Variants in FGF12 observed in about 807,000 individuals in gnomAD.
FGF12 encodes the protein fibroblast growth factor 12B.
Under a neutral mutation model 23.6 loss-of-function variants are expected in FGF12, and 14 were observed. The ratio of observed to expected loss-of-function variants is 0.59; its 90% CI spans 0.39 to 0.93. The LOEUF (loss-of-function observed/expected upper bound fraction) is 0.93. FGF12 is among the 40% of genes least tolerant of loss of function. The pLI, the probability that FGF12 is intolerant of heterozygous loss-of-function variation, is 0.00. For missense variants in FGF12, 175 were observed against 217.8 expected (o/e 0.80, Z 1.24); for synonymous variants, 62 against 77.3 (o/e 0.80, Z 1.04).
intron 2 of FGF12, among the ~76,000 whole-genome samples, chr3:192,488,774 C>G (rs1723713068): frequency 6.6e-6 from 1 of 151,996 alleles, no homozygotes; most frequent in Non-Finnish European, 1.5e-5. Flanking sequence ...CAAAAAGAAC[C>G]TCAAGAACTT....
At chr3:192,498,119 T>C (rs1023123965) in intron 2 of FGF12, among the ~76,000 whole-genome samples, 1 of 152,232 alleles carries the variant, frequency 6.6e-6, no homozygotes, top group African/African-American at 2.4e-5. Context: ...AGTGTATGCC[T>C]ATTTATTTTT....
chr3:192,566,303 G>A (rs1253878442), intron 2 of FGF12, among the ~76,000 whole-genome samples: 1 of 152,124 alleles, frequency 6.6e-6, no homozygotes, highest in African/African-American at 2.4e-5. Context: ...TCTTTCTATA[G>A]TGCTTCATGA....
At chr3:192,463,934 G>A (rs547794017) in intron 2 of FGF12, among the ~76,000 whole-genome samples, 2 of 151,940 alleles carry the variant, frequency 1.3e-5, no homozygotes, top group African/African-American at 2.4e-5. Context: ...ACCCAAACCC[G>A]GCTCACTGGT....
intron 2 of FGF12, among the ~76,000 whole-genome samples, chr3:192,415,551 T>C (rs1721321604): frequency 6.6e-6 from 1 of 151,930 alleles, no homozygotes; most frequent in Admixed American, 6.6e-5. Flanking sequence ...AACTCAAGGG[T>C]AGCCTCCACA....
chr3:192,532,868 AT>A (rs1725126660), intron 2 of FGF12, among the ~76,000 whole-genome samples: 1 of 152,038 alleles, frequency 6.6e-6, no homozygotes. Flanking sequence ...ATGCATAGTC[AT>A]TTGGGGACAT....
Position 192,653,866 on chromosome 3 carries a change from C to T in FGF12, c.13+73315G>A, listed in dbSNP as rs752104154. Among the ~76,000 whole-genome samples the T allele has an allele frequency of 5.9e-5, 9 of 152,236 alleles. No individual in the cohort carries two copies. The East Asian group carries it at 7.8e-4, about 13-fold the overall frequency. On this transcript the variant is annotated intron_variant, in intron 2 of 5. Transcript: ENST00000445105. ...AGTAGCTGGGATTACAGGTGCAAGC[C>T]ACCATGCATGGCTAATTTTTGTGTA...
chr3:192,423,322 T>C (rs1721592713), intron 2 of FGF12, among the ~76,000 whole-genome samples: 1 of 152,182 alleles, frequency 6.6e-6, no homozygotes, highest in Non-Finnish European at 1.5e-5. Flanking sequence ...AACCTCTGAT[T>C]TTCTTTTTGG....
rs145952145 is a variant in FGF12 at position 192,588,161 on chromosome 3, C to T, written c.13+139020G>A. On this transcript the variant is annotated intron_variant, in intron 2 of 5. Transcript: ENST00000445105. ...GAGACCGAGACCATCCTGGCTAACA[C>T]GGTGAAACCCCGTCTCTACTGAAAA... Among the ~76,000 whole-genome samples, 294 of 150,984 alleles carry T rather than the reference C, an allele frequency of 1.9e-3. 5 individuals are homozygous for T. The highest frequency in any genetic ancestry group is 6.7e-3 in the African/African-American group (278 of 41,290).
At chr3:192,434,867 G>A (rs958516753) in intron 2 of FGF12, among the ~76,000 whole-genome samples, 1 of 151,892 alleles carries the variant, frequency 6.6e-6, no homozygotes, top group Non-Finnish European at 1.5e-5. Flanking sequence ...AACTCATGAT[G>A]GCTTCTCTAT....
chr3:192,365,243 C>G (rs1261137943), intron 2 of FGF12, among the ~76,000 whole-genome samples: 1 of 124,622 alleles, frequency 8.0e-6, no homozygotes, highest in Non-Finnish European at 1.6e-5. Flanking sequence ...TGTACCCATA[C>G]AAGTTAAAAG....
chr3:192,641,199 G>A (rs1303516302), intron 2 of FGF12, among the ~76,000 whole-genome samples: 1 of 81,166 alleles, frequency 1.2e-5, no homozygotes, highest in African/African-American at 4.5e-5. Context: ...TCCGCCTCCC[G>A]GGTTCACGCC....
At chr3:192,580,326 T>TC in intron 2 of FGF12, among the ~76,000 whole-genome samples, 1 of 151,998 alleles carries the variant, frequency 6.6e-6, no homozygotes, top group South Asian at 2.1e-4. Context: ...TCTATTTTTT[T>TC]TTTTTGCAAA....
rs540837443 is a variant in FGF12 at position 192,457,359 on chromosome 3, G to A, written c.14-96821C>T. The stretch of plus-strand genomic sequence containing the variant: ...AGGGTTCAGAAGAAGACAGGAAAAT[G>A]TGGAAAAGTTTGGAACCTCCTAGAG... On this transcript the variant is annotated intron_variant, in intron 2 of 5. Transcript: ENST00000445105. 6.6e-4 allele frequency among the ~76,000 whole-genome samples: 101 copies of A among 152,294 alleles called. No individual in the cohort carries two copies. In the Middle Eastern group the frequency reaches 0.02, roughly 31 times the overall value.
intron 4 of FGF12, among the ~76,000 whole-genome samples, chr3:192,271,169 A>T (rs1713410905): frequency 6.6e-6 from 1 of 152,226 alleles, no homozygotes; most frequent in South Asian, 2.1e-4. Context: ...GTTACCAAGG[A>T]AGAATAAGCC....
chr3:192,587,042 AAT>A (rs574243504), intron 2 of FGF12, among the ~76,000 whole-genome samples: 1 of 151,890 alleles, frequency 6.6e-6, no homozygotes, highest in Non-Finnish European at 1.5e-5. Flanking sequence ...GTCTACTCAG[AAT>A]ATATATATAT....
At chr3:192,472,344 C>T (rs897946766) in intron 2 of FGF12, among the ~76,000 whole-genome samples, 3 of 152,098 alleles carry the variant, frequency 2.0e-5, no homozygotes, top group Admixed American at 6.5e-5. Flanking sequence ...AGACACCACA[C>T]TCCCTTATTG....
intron 2 of FGF12, among the ~76,000 whole-genome samples, chr3:192,361,299 A>T (rs1234444284): frequency 6.6e-6 from 1 of 152,126 alleles, no homozygotes; most frequent in Non-Finnish European, 1.5e-5. Flanking sequence ...ACACATTTGA[A>T]TTTTTGTGCA....
chr3:192,572,485 T>C (rs765139145), intron 2 of FGF12, among the ~76,000 whole-genome samples: 4 of 152,100 alleles, frequency 2.6e-5, no homozygotes, highest in Non-Finnish European at 4.4e-5. Flanking sequence ...TAAGGAAAAA[T>C]GTGCTATATA....
chr3:192,381,337 G>A (rs529740224), intron 2 of FGF12, among the ~76,000 whole-genome samples: 4 of 152,268 alleles, frequency 2.6e-5, no homozygotes, highest in African/African-American at 9.6e-5. Context: ...TAAGGTGCAA[G>A]CAAAAATTAT....
Sources: gnomAD v4.1 joint callset for allele counts (sites outside exome capture counted in the v4.1 genomes callset) on GRCh38, gnomAD v4.1.1 for gene constraint, MANE v1.5 for transcripts, NCBI Gene and HGNC (gene_info 2026-07-23, HGNC 2026-07-21) for gene names.